SEMA5A: variants seen among roughly 807,000 people sequenced by gnomAD.
SEMA5A encodes semaphorin 5A.
Under a neutral mutation model 135.5 loss-of-function variants are expected in SEMA5A, and 55 were observed. The observed-to-expected ratio is 0.41, with a 90% CI of 0.33 to 0.51. SEMA5A has a LOEUF of 0.51. Among genes scored for constraint, SEMA5A ranks in the 20% least tolerant of loss-of-function variants. The pLI is 0.37. For synonymous variants in SEMA5A, 580 were observed against 546.5 expected, an observed-to-expected ratio of 1.06 and a Z score of -0.85; for missense variants, 1,290 against 1,419.9, an observed-to-expected ratio of 0.91 and a Z score of 1.47.
chr5:9,116,502 GA>G (rs113575661), intron 15 of SEMA5A, among the ~76,000 whole-genome samples: 3,180 of 151,422 alleles, frequency 0.021, 61 homozygotes, highest in African/African-American at 0.054. Flanking sequence ...TTATTTTTCA[GA>G]AAAAAAAATT....
chr5:9,279,837 A>G (rs921448698), intron 5 of SEMA5A, among the ~76,000 whole-genome samples: 5 of 152,118 alleles, frequency 3.3e-5, no homozygotes, highest in Admixed American at 3.3e-4. Flanking sequence ...CCTCCAAGCC[A>G]TGCTTCCTGT....
At chr5:9,083,206 C>T (rs1040291575) in intron 16 of SEMA5A, among the ~76,000 whole-genome samples, 1 of 152,142 alleles carries the variant, frequency 6.6e-6, no homozygotes, top group Non-Finnish European at 1.5e-5. Context: ...TCTTGGCTCT[C>T]TGTGCTGGGA....
At chr5:9,455,700 T>A (rs1758808638) in intron 1 of SEMA5A, among the ~76,000 whole-genome samples, 1 of 152,208 alleles carries the variant, frequency 6.6e-6, no homozygotes, top group African/African-American at 2.4e-5. Flanking sequence ...AAATGACTAT[T>A]CCATTTGACT....
In SEMA5A at chr5:9,138,440, C is replaced by T. The variant is rs138469241; in HGVS notation, c.1482-1819G>A. On this transcript the variant is annotated intron_variant, in intron 12 of 22. Transcript: ENST00000382496. ...CAATACACACAAATGTGATTGTGCA[C>T]GCGGTTTCGCATTTTGCTTTCTACA... 3.9e-3 allele frequency among the ~76,000 whole-genome samples: 586 copies of T among 152,206 alleles called. 2 individuals carry two copies. The highest frequency in any genetic ancestry group is 6.6e-3 in the Non-Finnish European group (447 of 68,016).
chr5:9,086,122 C>T (rs1738670821), intron 16 of SEMA5A, among the ~76,000 whole-genome samples: 1 of 152,190 alleles, frequency 6.6e-6, no homozygotes, highest in African/African-American at 2.4e-5. Flanking sequence ...CAATTTTACA[C>T]CCTCATAGGC....
chr5:9,475,983 C>A (rs1408454866), intron 1 of SEMA5A, among the ~76,000 whole-genome samples: 1 of 152,168 alleles, frequency 6.6e-6, no homozygotes, highest in African/African-American at 2.4e-5. Flanking sequence ...CATATCCATG[C>A]ATTAATGATC....
At chr5:9,453,880 C>T (rs556191134) in intron 1 of SEMA5A, among the ~76,000 whole-genome samples, 1 of 152,320 alleles carries the variant, frequency 6.6e-6, no homozygotes, top group South Asian at 2.1e-4. Flanking sequence ...AGGATCATCA[C>T]AGGCCAACCT....
intron 19 of SEMA5A, 136 bp from the exon 20 acceptor site, chr5:9,052,164 T>G: frequency 1.0e-6 from 1 of 952,662 alleles, no homozygotes; most frequent in Non-Finnish European, 1.5e-6. Flanking sequence ...TGTGCATCAG[T>G]AAGATGTAGT....
At chr5:9,079,623 A>C (rs770491332) in intron 16 of SEMA5A, among the ~76,000 whole-genome samples, 14 of 152,178 alleles carry the variant, frequency 9.2e-5, no homozygotes, top group Non-Finnish European at 1.6e-4. Flanking sequence ...AGATGGGATA[A>C]AATTTTTGCA....
intron 19 of SEMA5A, among the ~76,000 whole-genome samples, chr5:9,052,233 C>T (rs778498341): frequency 1.4e-4 from 21 of 152,088 alleles, no homozygotes; most frequent in Admixed American, 2.6e-4. Flanking sequence ...AAAGTGCCTG[C>T]GCTGTTATAT....
At chr5:9,273,767 T>A (rs1750110790) in intron 5 of SEMA5A, among the ~76,000 whole-genome samples, 1 of 151,968 alleles carries the variant, frequency 6.6e-6, no homozygotes, top group South Asian at 2.1e-4. Flanking sequence ...AGAAATAAAA[T>A]CCTTTACAGA....
chr5:9,426,997 C>T (rs1309476834), intron 2 of SEMA5A, among the ~76,000 whole-genome samples: 1 of 152,096 alleles, frequency 6.6e-6, no homozygotes, highest in Non-Finnish European at 1.5e-5. Flanking sequence ...TAGTCCAGTA[C>T]ATAAAAGAGA....
At chr5:9,344,144 G>T (rs1260540162) in intron 3 of SEMA5A, among the ~76,000 whole-genome samples, 4 of 152,144 alleles carry the variant, frequency 2.6e-5, no homozygotes, top group Non-Finnish European at 4.4e-5. Flanking sequence ...TTTCAGTACT[G>T]ACTTGGTATC....
chr5:9,119,334 C>A (rs1362907200), intron 14 of SEMA5A, among the ~76,000 whole-genome samples, 193 bp from the exon 15 acceptor site: 2 of 152,120 alleles, frequency 1.3e-5, no homozygotes, highest in Admixed American at 1.3e-4. Flanking sequence ...AGCCCCCAGG[C>A]ATCTGGTTTA....
chr5:9,236,344 T>TA (rs1747907780), intron 6 of SEMA5A, among the ~76,000 whole-genome samples: 1 of 152,162 alleles, frequency 6.6e-6, no homozygotes, highest in Non-Finnish European at 1.5e-5. Context: ...TCACTTCATG[T>TA]AAGTCTGACT....
At chr5:9,480,160 CA>C (rs1759822074) in intron 1 of SEMA5A, among the ~76,000 whole-genome samples, 1 of 152,126 alleles carries the variant, frequency 6.6e-6, no homozygotes, top group Admixed American at 6.5e-5. Context: ...CAAGTTGTGA[CA>C]ACTAAACCAT....
At chr5:9,452,329 TGGTTTGCTTCCC>T (rs1758675258) in intron 1 of SEMA5A, among the ~76,000 whole-genome samples, 1 of 152,188 alleles carries the variant, frequency 6.6e-6, no homozygotes, top group Non-Finnish European at 1.5e-5. Context: ...TGTGAAGCAG[TGGTTTGCTTCCC>T]GGAGCTGAAG....
chr5:9,304,967 A>C (rs187452352), intron 5 of SEMA5A, among the ~76,000 whole-genome samples: 1 of 152,248 alleles, frequency 6.6e-6, no homozygotes, highest in African/African-American at 2.4e-5. Flanking sequence ...AATGCATTCA[A>C]ACACCTCAGA....
intron 4 of SEMA5A, among the ~76,000 whole-genome samples, chr5:9,321,736 TAAG>T (rs762131314): frequency 1.3e-5 from 2 of 152,222 alleles, no homozygotes; most frequent in African/African-American, 2.4e-5. Context: ...CTGGCAATTT[TAAG>T]AAGGACTTCT....
Sources: allele counts gnomAD v4.1 joint callset (sites outside exome capture counted in the v4.1 genomes callset), GRCh38; gene constraint gnomAD v4.1.1; transcripts MANE v1.5; gene names NCBI Gene and HGNC (gene_info 2026-07-23, HGNC 2026-07-21).